The following CELSR3 variants were observed in gnomAD, a reference collection of about 807,000 sequenced individuals.
CELSR3 encodes the protein EGF-like protein 1.
A neutral mutation model predicts 270.0 loss-of-function variants in CELSR3; 73 were observed. That is an observed-to-expected ratio of 0.27 (90% CI 0.22 to 0.33). The LOEUF is 0.33. CELSR3 is among the 10% of genes least tolerant of loss of function. The pLI is 1.00. For synonymous variants in CELSR3, 1,780 were observed against 1,905.4 expected, an observed-to-expected ratio of 0.93 and a Z score of 1.71; for missense variants, 3,614 against 4,533.8, an observed-to-expected ratio of 0.80 and a Z score of 5.83.
Position 48,655,506 on chromosome 3 carries a change from C to T in CELSR3, c.4742-112G>A, listed in dbSNP as rs2047172832. 1.8e-6 allele frequency: 2 copies of T among 1,111,118 alleles called. No homozygotes were observed. The highest frequency in any genetic ancestry group is 2.7e-6 in the Non-Finnish European group (2 of 742,546). The allele number at this position is 1,111,118 out of a possible 1,614,324, so 68.8% of individuals were successfully genotyped here. A position where few individuals can be genotyped will look rare whatever the true frequency, so the allele number is the denominator to read the frequency against. On this transcript the variant is annotated intron_variant, in intron 4 of 34. Coordinates refer to ENST00000164024, the MANE Select transcript of CELSR3 (RefSeq NM_001407.3). The surrounding 1 kb of genome is among the most constrained non-coding windows in gnomAD (Gnocchi z 5.8). The stretch of plus-strand genomic sequence containing the variant: ...ACCCTGGATGCATCAGATCAGTCCC[C>T]CCACTGGTGACCACAATGGCTGGCT...
chr3:48,650,435 G>GGGGGGGGCC lies in CELSR3; in HGVS notation c.6472+44_6472+45insGGCCCCCCC. 1 of 1,213,560 alleles carries GGGGGGGGCC rather than the reference G, an allele frequency of 8.2e-7. No homozygotes were observed. The highest frequency in any genetic ancestry group is 1.2e-6 in the Non-Finnish European group (1 of 846,620). The allele number at this position is 1,213,560 out of a possible 1,614,324, so 75.2% of individuals were successfully genotyped here. On this transcript the variant is annotated intron_variant, in intron 16 of 34. Transcript: ENST00000164024. This position sits in a 1 kb window ranked among gnomAD's most constrained non-coding sequence, Gnocchi z 5.1. ...CATGGCTCTAGCAGTCAGAGTACAG[G>GGGGGGGGCC]CCCACCCCCACCCTCAGTGATGTCC...
chr3:48,640,605 A>C lies in CELSR3; in HGVS notation c.9026-46T>G. ...GGGGCAGGGTTTGTGTGGGAGGGGG[A>C]GGGCAGGCAGGAATTGCTGAGTCTA... is the stretch of plus-strand genomic sequence containing the variant. On this transcript the variant is annotated intron_variant, in intron 33 of 34. Coordinates refer to ENST00000164024, the MANE Select transcript of CELSR3 (RefSeq NM_001407.3). The surrounding 1 kb of genome is among the most constrained non-coding windows in gnomAD (Gnocchi z 7.5). 16 of 1,412,678 alleles carry C rather than the reference A, an allele frequency of 1.1e-5. No homozygotes were observed. Among genetic ancestry groups the C allele is most frequent in the Non-Finnish European group, 1.5e-5 (16 of 1,047,990 alleles). 87.5% of individuals were successfully genotyped at this position (1,412,678 alleles called of 1,614,324 possible). A position where few individuals can be genotyped will look rare whatever the true frequency, so the allele number is the denominator to read the frequency against.
In CELSR3 at chr3:48,660,399, C is replaced by G. The variant is rs1559482209; in HGVS notation, c.2236G>C (p.Val746Leu). 1 of 1,614,176 alleles carries G rather than the reference C, an allele frequency of 6.2e-7. No individual in the cohort carries two copies. Among genetic ancestry groups the G allele is most frequent in the Non-Finnish European group, 8.5e-7 (1 of 1,180,042 alleles). The change falls in exon 1 of 35, where the codon GTG becomes CTG. Residue 746 changes from valine (V) to leucine (L), a missense_variant. Val to Leu is a conservative substitution (Grantham distance 32). Transcript: ENST00000164024. The surrounding 1 kb of genome is among the most constrained non-coding windows in gnomAD (Gnocchi z 5.5). ...GGCCGATTGTCATTAACGTCCAGCA[C>G]AGTCACGGTGACACTGGCTGAGGCA... ...LSASASVTVT[V>L]LDVNDNRPEF...
intron 19 of CELSR3, 29 bp downstream of exon 19, chr3:48,648,237 T>TGG (rs2047105541): frequency 1.0e-4 from 144 of 1,427,320 alleles, no homozygotes; most frequent in Middle Eastern, 2.3e-4. Context: ...CCCCCTGCTG[T>TGG]GCCCCGCCCT....
chr3:48,642,857 G>C lies in CELSR3; in HGVS notation c.8434C>G (p.Leu2812Val), dbSNP rs780345420. The C allele has an allele frequency of 6.2e-7, 1 of 1,613,268 alleles. No individual in the cohort carries two copies. The highest frequency in any genetic ancestry group is 8.5e-7 in the Non-Finnish European group (1 of 1,179,974). ...CGGATGAGGCCACTCTCCTCAAAGA[G>C]AGCCGTGTTGTTGTAGGCCCCAGGT... ...LGPGAYNNTA[L>V]FEESGLIRIT... is the part of the protein sequence containing the mutation. The change falls in exon 30 of 35, where the codon CTC becomes GTC. Residue 2812 changes from leucine (L) to valine (V), a missense_variant. Leu to Val is a conservative substitution (Grantham distance 32, BLOSUM62 1). This residue lies in a region of CELSR3 where 1,240 missense variants were observed against 1,351.7 expected (regional missense o/e 0.92). Transcript: ENST00000164024. This position sits in a 1 kb window ranked among gnomAD's most constrained non-coding sequence, Gnocchi z 6.1.
In CELSR3 at chr3:48,659,767, G is replaced by A. The variant is rs61729374; in HGVS notation, c.2868C>T (p.Asp956=). Residue 956 remains aspartate (D), a synonymous_variant, in exon 1 of 35, where the codon GAC becomes GAT. Coordinates refer to ENST00000164024, the MANE Select transcript of CELSR3 (RefSeq NM_001407.3). This position sits in a 1 kb window ranked among gnomAD's most constrained non-coding sequence, Gnocchi z 8.1. ...YVEVMVNDVN[D]NAPQFVASHY... ...GGGAGGCCACAAATTGTGGAGCATT[G>A]TCATTCACGTCATTGACCATCACCT... 368 of 1,614,226 alleles carry A rather than the reference G, an allele frequency of 2.3e-4. 2 individuals carry two copies. In the African/African-American group the frequency reaches 4.5e-3, roughly 20 times the overall value.
chr3:48,644,332 CAGAGAGAGAG>C lies in CELSR3; in HGVS notation c.8086-47_8086-38del. The C allele has an allele frequency of 6.8e-7, 1 of 1,472,372 alleles. No homozygotes were observed. The highest frequency in any genetic ancestry group is 9.4e-7 in the Non-Finnish European group (1 of 1,059,410). The allele number at this position is 1,472,372 out of a possible 1,614,324, so 91.2% of individuals were successfully genotyped here. A position where few individuals can be genotyped will look rare whatever the true frequency, so the allele number is the denominator to read the frequency against. ...GCCAGACATGTGGGGCCGGGCAGGG[CAGAGAGAGAG>C]AGAGAGAGAGAGGCAATGAGAGACA... On this transcript the variant is annotated intron_variant, in intron 26 of 34. Coordinates refer to ENST00000164024, the MANE Select transcript of CELSR3 (RefSeq NM_001407.3). The surrounding 1 kb of genome is among the most constrained non-coding windows in gnomAD (Gnocchi z 4.8).
chr3:48,646,374 G>T lies in CELSR3; in HGVS notation c.7296-117C>A. 1.8e-6 allele frequency: 2 copies of T among 1,111,976 alleles called. No homozygotes were observed. The highest frequency in any genetic ancestry group is 2.5e-6 in the Non-Finnish European group (2 of 795,034). 68.9% of individuals were successfully genotyped at this position (1,111,976 alleles called of 1,614,324 possible). A position where few individuals can be genotyped will look rare whatever the true frequency, so the allele number is the denominator to read the frequency against. Reference sequence around the variant, plus strand: ...TGACCCAGGGTCTGGGATGTCCCCAGAGTGGAAGCTGTTTCTAAGAATCCC... The same window carrying T: ...TGACCCAGGGTCTGGGATGTCCCCATAGTGGAAGCTGTTTCTAAGAATCCC... On this transcript the variant is annotated intron_variant, in intron 21 of 34. Coordinates refer to ENST00000164024, the MANE Select transcript of CELSR3 (RefSeq NM_001407.3). The surrounding 1 kb of genome is among the most constrained non-coding windows in gnomAD (Gnocchi z 4.8).
Position 48,644,742 on chromosome 3 carries a change from C to T in CELSR3, c.8059G>A (p.Ala2687Thr). The T allele has an allele frequency of 2.5e-6, 4 of 1,613,452 alleles. No individual in the cohort carries two copies. The highest frequency in any genetic ancestry group is 1.7e-6 in the Non-Finnish European group (2 of 1,179,942). ...SVHEPLIWSF[A>T]GPVVLVIVMN... ...ACTATGACCAGGACAACAGGGCCAG[C>T]AAAGCTCCAGATGAGGGGCTCGTGG... is the stretch of plus-strand genomic sequence containing the variant. Residue 2687 changes from alanine to threonine, a missense_variant, in exon 26 of 35, where the codon GCT becomes ACT. Ala to Thr is a moderately conservative substitution (Grantham distance 58, BLOSUM62 0). Around this residue, in one of 7 missense-constraint regions of CELSR3, gnomAD observed 1,240 missense variants for 1,351.7 expected, o/e 0.92. Coordinates refer to ENST00000164024, the MANE Select transcript of CELSR3 (RefSeq NM_001407.3). This position sits in a 1 kb window ranked among gnomAD's most constrained non-coding sequence, Gnocchi z 4.8.
At position 48,650,516 on chromosome 3, in the gene CELSR3, C is replaced by T. The variant is rs199670636; in HGVS notation, c.6436G>A (p.Val2146Ile). The T allele has an allele frequency of 4.0e-5, 64 of 1,608,752 alleles. No individual in the cohort carries two copies. The highest frequency in any genetic ancestry group is 9.4e-5 in the African/African-American group (7 of 74,316). ...GVWWPQTKFG[V>I]LATVPCPRGA... ...CGGGGACAGGGCACTGTGGCCAGGA[C>T]GCCAAACTTTGTCTGGGGCCACCAC... Residue 2146 changes from valine to isoleucine, a missense_variant, in exon 16 of 35, where the codon GTC (valine) becomes ATC (isoleucine). Around this residue, in one of 7 missense-constraint regions of CELSR3, gnomAD observed 1,331 missense variants for 1,933.7 expected, o/e 0.69. Coordinates refer to ENST00000164024, the MANE Select transcript of CELSR3 (RefSeq NM_001407.3). This position sits in a 1 kb window ranked among gnomAD's most constrained non-coding sequence, Gnocchi z 5.1.
rs369860222 is a variant in CELSR3 at position 48,646,130 on chromosome 3, G to A, written c.7423C>T (p.Arg2475Trp). Residue 2475 changes from arginine (R) to tryptophan (W), a missense_variant, in exon 22 of 35, where the codon CGG becomes TGG. Coordinates refer to ENST00000164024, the MANE Select transcript of CELSR3 (RefSeq NM_001407.3). The surrounding 1 kb of genome is among the most constrained non-coding windows in gnomAD (Gnocchi z 4.8). Reference sequence around the variant, plus strand: ...CACTGCACACAGATCGCCTTGCTCCGATTCGCTGTCTGTAGCAGGCGAAAC... The same window carrying A: ...CACTGCACACAGATCGCCTTGCTCCAATTCGCTGTCTGTAGCAGGCGAAAC... ...LEFRLLQTAN[R>W]SKAICVQWDP... 8.1e-5 allele frequency: 130 copies of A among 1,612,882 alleles called. No homozygotes were observed. The highest frequency in any genetic ancestry group is 6.6e-4 in the Middle Eastern group (4 of 6,062).
In CELSR3 at chr3:48,660,181, T is replaced by C. The variant is rs1255301817; in HGVS notation, c.2454A>G (p.Pro818=). 1 of 1,614,044 alleles carries C rather than the reference T, an allele frequency of 6.2e-7. No homozygotes were observed. Among genetic ancestry groups the C allele is most frequent in the Non-Finnish European group, 8.5e-7 (1 of 1,180,008 alleles). Residue 818 remains proline, a synonymous_variant, in exon 1 of 35, where the codon CCA becomes CCG. Transcript: ENST00000164024. The surrounding 1 kb of genome is among the most constrained non-coding windows in gnomAD (Gnocchi z 5.5). Reference sequence around the variant, plus strand: ...AGTAGCGTTCCTGCTTGTAGTCCAGTGGCAGAGCCAGAGTCACCAGACCCA... The same window carrying C: ...AGTAGCGTTCCTGCTTGTAGTCCAGCGGCAGAGCCAGAGTCACCAGACCCA... ...GGVGLVTLAL[P]LDYKQERYFK... is the part of the protein sequence containing the mutation.
rs1178652479 is a variant in CELSR3 at position 48,642,646 on chromosome 3, C to T, written c.8555+90G>A. The T allele has an allele frequency of 1.3e-5, 20 of 1,527,158 alleles. No homozygotes were observed. In the Admixed American group the frequency reaches 3.0e-4, roughly 23 times the overall value. 94.6% of individuals were successfully genotyped at this position (1,527,158 alleles called of 1,614,324 possible). A position where few individuals can be genotyped will look rare whatever the true frequency, so the allele number is the denominator to read the frequency against. ...CCCAGATGGCCAAGATGGGTGGAGC[C>T]ACCCGCCCTAGGACCTGGTCAGCCA... On this transcript the variant is annotated intron_variant, in intron 30 of 34. Transcript: ENST00000164024. The surrounding 1 kb of genome is among the most constrained non-coding windows in gnomAD (Gnocchi z 6.1).
In CELSR3 at chr3:48,653,901, A is replaced by T; in HGVS notation, c.5255T>A (p.Phe1752Tyr). 1.9e-6 allele frequency: 3 copies of T among 1,613,734 alleles called. No homozygotes were observed. In the South Asian group the frequency reaches 3.3e-5, roughly 18 times the overall value. ...GSFSCDCPVG[F>Y]GGKDCQLTMA... The stretch of plus-strand genomic sequence containing the variant: ...ACTAAGCTGACAGTCTTTGCCGCCG[A>T]AGCCCACAGGGCAGTCGCAGCTGAA... The change falls in exon 8 of 35, where the codon TTC (phenylalanine) becomes TAC (tyrosine). Residue 1752 changes from phenylalanine (F) to tyrosine (Y), a missense_variant. Transcript: ENST00000164024. This position sits in a 1 kb window ranked among gnomAD's most constrained non-coding sequence, Gnocchi z 6.5.
In CELSR3 at chr3:48,659,193, G is replaced by A. The variant is rs370982426; in HGVS notation, c.3442C>T (p.Pro1148Ser). The A allele has an allele frequency of 1.3e-4, 209 of 1,614,090 alleles. No individual in the cohort carries two copies. The highest frequency in any genetic ancestry group is 1.7e-4 in the Non-Finnish European group (197 of 1,180,048). Residue 1148 changes from proline (P) to serine (S), a missense_variant, in exon 1 of 35, where the codon CCT becomes TCT. Pro to Ser is a moderately conservative substitution (Grantham distance 74). Around this residue, in one of 7 missense-constraint regions of CELSR3, gnomAD observed 1,331 missense variants for 1,933.7 expected, o/e 0.69. Coordinates refer to ENST00000164024, the MANE Select transcript of CELSR3 (RefSeq NM_001407.3). This position sits in a 1 kb window ranked among gnomAD's most constrained non-coding sequence, Gnocchi z 8.1. The part of the protein sequence containing the change: ...YVIVVQATSA[P>S]LVSRATVHVR... ...TGCACAGTGGCCCGGCTGACCAAAG[G>A]AGCAGATGTGGCCTGCACCACAATC...
Position 48,640,598 on chromosome 3 carries a change from G to C in CELSR3, c.9026-39C>G, listed in dbSNP as rs577498048. ...AAAATGGGGGGCAGGGTTTGTGTGG[G>C]AGGGGGAGGGCAGGCAGGAATTGCT... On this transcript the variant is annotated intron_variant, in intron 33 of 34. Coordinates refer to ENST00000164024, the MANE Select transcript of CELSR3 (RefSeq NM_001407.3). This position sits in a 1 kb window ranked among gnomAD's most constrained non-coding sequence, Gnocchi z 7.5. The C allele has an allele frequency of 1.0e-5, 15 of 1,498,208 alleles. No individual in the cohort carries two copies. The South Asian group carries it at 2.0e-4, about 19-fold the overall frequency. The allele number at this position is 1,498,208 out of a possible 1,614,324, so 92.8% of individuals were successfully genotyped here.
At position 48,653,260 on chromosome 3, in the gene CELSR3, C is replaced by A; in HGVS notation, c.5449-73G>T. ...GGGACTTGGAGGTGAGATCAGAGGG[C>A]TCAGAGGTCAGGAATATCAGAGGTC... On this transcript the variant is annotated intron_variant, in intron 9 of 34. Coordinates refer to ENST00000164024, the MANE Select transcript of CELSR3 (RefSeq NM_001407.3). The surrounding 1 kb of genome is among the most constrained non-coding windows in gnomAD (Gnocchi z 6.5). The A allele has an allele frequency of 7.1e-7, 1 of 1,409,538 alleles. No individual in the cohort carries two copies. The highest frequency in any genetic ancestry group is 1.2e-5 in the South Asian group (1 of 80,666). The allele number at this position is 1,409,538 out of a possible 1,614,324, so 87.3% of individuals were successfully genotyped here.
chr3:48,646,278 G>A lies in CELSR3; in HGVS notation c.7296-21C>T. On this transcript the variant is annotated intron_variant, in intron 21 of 34. Transcript: ENST00000164024. The surrounding 1 kb of genome is among the most constrained non-coding windows in gnomAD (Gnocchi z 4.8). ...GAAGCCTGGGGAGACACCCATCTGG[G>A]CTTACGCACTGCTGACCTCCCCATG... 6.2e-7 allele frequency: 1 copy of A among 1,600,318 alleles called. No homozygotes were observed. The highest frequency in any genetic ancestry group is 1.1e-5 in the South Asian group (1 of 90,216).
intron 2 of CELSR3, 135 bp downstream of exon 2, chr3:48,656,563 T>C: frequency 7.0e-6 from 9 of 1,282,506 alleles, no homozygotes; most frequent in Non-Finnish European, 9.2e-6. Flanking sequence ...CCGGCCACGC[T>C]CTACGGCTTC....
Sources: allele counts gnomAD v4.1 joint callset, GRCh38; gene constraint gnomAD v4.1.1; regional missense constraint gnomAD v4.1.1; non-coding constraint Gnocchi (gnomAD v3.1); transcripts MANE v1.5; gene names NCBI Gene and HGNC (gene_info 2026-07-23, HGNC 2026-07-21).